The following FGF14 variants were observed in gnomAD, a reference collection of about 807,000 sequenced individuals.
FGF14 encodes the protein fibroblast growth factor homologous factor 4.
A neutral mutation model predicts 25.5 loss-of-function variants in FGF14; 5 were observed. That is an observed-to-expected ratio of 0.20 (90% confidence interval 0.10 to 0.41). The LOEUF is 0.41. Among genes scored for constraint, FGF14 ranks in the 10% least tolerant of loss-of-function variants. The pLI, the probability that FGF14 is intolerant of heterozygous loss-of-function variation, is 1.00. For synonymous variants in FGF14, 138 were observed against 118.3 expected (o/e 1.17, Z -1.08); for missense variants, 222 against 320.1 (o/e 0.69, Z 2.34).
At chr13:101,842,303 C>G (rs2140321906) in intron 3 of FGF14, among the ~76,000 whole-genome samples, 1 of 152,102 alleles carries the variant, frequency 6.6e-6, no homozygotes, top group South Asian at 2.1e-4. Context: ...CTTAATAACC[C>G]ATCTAGGACT....
At chr13:101,981,082 AAC>A (rs58666555) in intron 1 of FGF14, among the ~76,000 whole-genome samples, 31,751 of 123,280 alleles carry the variant, frequency 0.26, 3,916 homozygotes, top group Non-Finnish European at 0.3. Flanking sequence ...TCTCTACTAA[AAC>A]ACACACACAC....
chr13:102,270,915 T>C (rs190729509), intron 1 of FGF14, among the ~76,000 whole-genome samples: 52 of 152,340 alleles, frequency 3.4e-4, no homozygotes, highest in African/African-American at 1.3e-3. Context: ...AATGCAAGTA[T>C]CATTGTTACC....
Position 102,161,583 on chromosome 13 carries a change from G to GA in FGF14, c.208+239887dup, listed in dbSNP as rs762865613. On this transcript the variant is annotated intron_variant, in intron 1 of 4. Transcript: ENST00000376131. ...CTTTCTGTGAAGAAAGAAAGAAGAAGAAGAAGAAGAAGAAGAAGAAGAAGA... is the reference window on the plus strand; with the variant it reads ...CTTTCTGTGAAGAAAGAAAGAAGAAGAAAGAAGAAGAAGAAGAAGAAGAAGA... Among the ~76,000 whole-genome samples, 13 of 2,448 alleles carry GA rather than the reference G, an allele frequency of 5.3e-3. 1 individual carries two copies. The highest frequency in any genetic ancestry group is 6.0e-3 in the African/African-American group (1 of 166). The allele number at this position is 2,448 out of a possible 152,430, so 1.6% of individuals were successfully genotyped here.
intron 1 of FGF14, among the ~76,000 whole-genome samples, chr13:102,200,963 G>A (rs577419892): frequency 1.3e-5 from 2 of 151,980 alleles, no homozygotes; most frequent in South Asian, 2.1e-4. Flanking sequence ...TTAGCCAGGC[G>A]TGGTGGGGGG....
chr13:101,754,694 A>AC (rs1238469383), intron 3 of FGF14, among the ~76,000 whole-genome samples: 1 of 152,186 alleles, frequency 6.6e-6, no homozygotes, highest in Non-Finnish European at 1.5e-5. Context: ...ACACCACTGC[A>AC]CCCCAGCCTG....
intron 1 of FGF14, among the ~76,000 whole-genome samples, chr13:101,956,616 T>C (rs1276024765): frequency 6.6e-6 from 1 of 152,086 alleles, no homozygotes; most frequent in African/African-American, 2.4e-5. Context: ...CTGCTGGGGT[T>C]AATGAGGTAA....
chr13:102,071,201 C>T (rs1595173957), intron 1 of FGF14, among the ~76,000 whole-genome samples: 1 of 152,134 alleles, frequency 6.6e-6, no homozygotes, highest in Non-Finnish European at 1.5e-5. Context: ...GTGTGCACAT[C>T]GTGGGTGGAA....
exon 1 of FGF14, chr13:102,401,628 T>A: frequency 3.1e-6 from 5 of 1,614,156 alleles, no homozygotes; most frequent in Non-Finnish European, 4.2e-6. Flanking sequence ...TGTGGTTGCA[T>A]AATAATAATT....
intron 1 of FGF14, among the ~76,000 whole-genome samples, chr13:101,936,933 C>T (rs2139285117): frequency 6.6e-6 from 1 of 152,244 alleles, no homozygotes; most frequent in Admixed American, 6.5e-5. Context: ...AGAAGCAAAT[C>T]AGTTTAAAAA....
At chr13:102,161,570 A>AAAGAAAGAAGAAGAAGAAG (rs2047653096) in intron 1 of FGF14, among the ~76,000 whole-genome samples, 1 of 5,652 alleles carries the variant, frequency 1.8e-4, no homozygotes, top group Admixed American at 3.9e-3. Context: ...TTCTGTGAAG[A>AAAGAAAGAAGAAGAAGAAG]AAGAAAGAAG....
At chr13:102,130,836 C>A (rs571465332) in intron 1 of FGF14, among the ~76,000 whole-genome samples, 3 of 152,142 alleles carry the variant, frequency 2.0e-5, no homozygotes, top group African/African-American at 4.8e-5. Context: ...CTCCCTCAGC[C>A]CAGGACTGAA....
At chr13:102,328,572 GCTCCCACCTA>G (rs1471568893) in intron 1 of FGF14, among the ~76,000 whole-genome samples, 2 of 152,186 alleles carry the variant, frequency 1.3e-5, no homozygotes, top group African/African-American at 2.4e-5. Context: ...CATTCATGGA[GCTCCCACCTA>G]CTCCCACACT....
chr13:101,859,104 C>T (rs563835888), intron 3 of FGF14, among the ~76,000 whole-genome samples: 1 of 152,086 alleles, frequency 6.6e-6, no homozygotes, highest in Non-Finnish European at 1.5e-5. Context: ...TTTGCTGACA[C>T]TGAATTTTTT....
chr13:102,350,376 TAA>T (rs11332521), intron 1 of FGF14, among the ~76,000 whole-genome samples: 160 of 136,366 alleles, frequency 1.2e-3, no homozygotes, highest in East Asian at 3.7e-3. Flanking sequence ...CCTCTTTAAT[TAA>T]AAAAAAAAAA....
At chr13:102,188,813 T>G (rs753992804) in intron 1 of FGF14, among the ~76,000 whole-genome samples, 1 of 151,576 alleles carries the variant, frequency 6.6e-6, no homozygotes, top group Admixed American at 6.6e-5. Flanking sequence ...TGGTGGCACA[T>G]GGCTGTAATC....
chr13:101,720,642 T>G lies in FGF14; in HGVS notation c.*2189A>C, dbSNP rs1019198101. ...TAAGCCCATTTGACTGTATTACAAG[T>G]TAGTTAATTACTCATATAGTTGGCC... On this transcript the variant is annotated 3_prime_UTR_variant, in exon 5 of 5. Coordinates refer to ENST00000376143, the MANE Select transcript of FGF14 (RefSeq NM_004115.4). The G allele has an allele frequency of 6.6e-6, 1 of 151,820 alleles. No homozygotes were observed. Among genetic ancestry groups the G allele is most frequent in the African/African-American group, 2.4e-5 (1 of 41,312 alleles). The allele number at this position is 151,820 out of a possible 1,614,324, so 9.4% of individuals were successfully genotyped here.
chr13:102,373,489 A>G (rs1161589935), intron 1 of FGF14: 1 of 152,196 alleles, frequency 6.6e-6, no homozygotes, highest in Admixed American at 6.6e-5. Flanking sequence ...GAGTCATACC[A>G]AATAACTTCA....
At chr13:102,386,447 A>C (rs2058305427) in intron 1 of FGF14, among the ~76,000 whole-genome samples, 1 of 152,226 alleles carries the variant, frequency 6.6e-6, no homozygotes, top group African/African-American at 2.4e-5. Context: ...AAAAATATTT[A>C]AAAGTATTTC....
intron 1 of FGF14, among the ~76,000 whole-genome samples, chr13:102,008,197 T>C (rs1460805826): frequency 6.6e-6 from 1 of 152,218 alleles, no homozygotes; most frequent in African/African-American, 2.4e-5. Context: ...ATCTATTACG[T>C]ATGCATGGGC....
Sources: allele counts gnomAD v4.1 joint callset (sites outside exome capture counted in the v4.1 genomes callset), GRCh38; gene constraint gnomAD v4.1.1; transcripts MANE v1.5; gene names NCBI Gene and HGNC (gene_info 2026-07-23, HGNC 2026-07-21).